The following RSPO4 variants were observed in gnomAD, a reference collection of about 807,000 sequenced individuals.
RSPO4 encodes the protein R-spondin-4.
Under a neutral mutation model 24.8 loss-of-function variants are expected in RSPO4, and 23 were observed. The observed-to-expected ratio is 0.93, with a 90% CI of 0.67 to 1.31. The LOEUF is 1.31. Ranked by LOEUF, RSPO4 falls within the 40% of genes most tolerant of loss-of-function variation. The probability of loss-of-function intolerance (pLI) is 0.00; values close to 1 mark genes in which losing one functional copy is unlikely to be tolerated. For synonymous variants in RSPO4, 141 were observed against 127.4 expected, an observed-to-expected ratio of 1.11 and a Z score of -0.72; for missense variants, 333 against 316.5, an observed-to-expected ratio of 1.05 and a Z score of -0.39.
intron 1 of RSPO4, among the ~76,000 whole-genome samples, chr20:999,133 G>A (rs1281028565): frequency 1.3e-5 from 2 of 152,060 alleles, no homozygotes; most frequent in African/African-American, 4.8e-5. Context: ...GGGACTACAG[G>A]TGTGCACCAC....
chr20:991,493 G>A (rs1985101208), intron 1 of RSPO4, among the ~76,000 whole-genome samples: 1 of 151,560 alleles, frequency 6.6e-6, no homozygotes. Flanking sequence ...CCTACAAATT[G>A]ACAAGAAAAA....
At chr20:996,888 C>T (rs1462217741) in intron 1 of RSPO4, among the ~76,000 whole-genome samples, 3 of 152,228 alleles carry the variant, frequency 2.0e-5, no homozygotes, top group Admixed American at 6.5e-5. Context: ...AGGTCCTCAC[C>T]TTACTGCCAC....
At chr20:982,228 C>A (rs1033066004) in intron 1 of RSPO4, among the ~76,000 whole-genome samples, 4 of 152,194 alleles carry the variant, frequency 2.6e-5, no homozygotes, top group Non-Finnish European at 5.9e-5. Flanking sequence ...TAGCCAGGAA[C>A]ACAGAACTGT....
intron 1 of RSPO4, among the ~76,000 whole-genome samples, chr20:982,770 C>G (rs574451747): frequency 6.6e-6 from 1 of 152,210 alleles, no homozygotes; most frequent in Non-Finnish European, 1.5e-5. Context: ...CCCAGCAATA[C>G]TGGGGACAAT....
In RSPO4 at chr20:968,072, G is replaced by A. The variant is rs1011455898; in HGVS notation, c.146C>T (p.Thr49Ile). The change falls in exon 2 of 5, where the codon ACC becomes ATC. Residue 49 changes from threonine to isoleucine, a missense_variant. Physicochemically the swap from Thr to Ile is moderately conservative, Grantham distance 89. Transcript: ENST00000217260. ...IICSEENGCS[T>I]CQQRLFLFIR... ...GAACAGGAAGAGCCTCTGCTGGCAG[G>A]TGGAACAGCCGTTCTCCTCTGAGCA... is the stretch of plus-strand genomic sequence containing the variant. 13 of 1,614,122 alleles carry A rather than the reference G, an allele frequency of 8.1e-6. No homozygotes were observed. Among genetic ancestry groups the A allele is most frequent in the South Asian group, 7.7e-5 (7 of 91,094 alleles).
At chr20:998,847 A>G (rs1387974773) in intron 1 of RSPO4, among the ~76,000 whole-genome samples, 1 of 152,130 alleles carries the variant, frequency 6.6e-6, no homozygotes, top group Admixed American at 6.6e-5. Context: ...TTCAGGACAC[A>G]TTCTCCTGCC....
chr20:972,576 C>A (rs188574051), intron 1 of RSPO4, among the ~76,000 whole-genome samples: 1 of 152,180 alleles, frequency 6.6e-6, no homozygotes. Flanking sequence ...CATGGCAGAT[C>A]CAGGAGGCAG....
At chr20:971,130 C>A (rs1359729658) in intron 1 of RSPO4, among the ~76,000 whole-genome samples, 1 of 152,244 alleles carries the variant, frequency 6.6e-6, no homozygotes, top group South Asian at 2.1e-4. Flanking sequence ...GCATGAGCCA[C>A]CACGACTGGC....
At chr20:978,283 G>A (rs895353035) in intron 1 of RSPO4, among the ~76,000 whole-genome samples, 1 of 152,182 alleles carries the variant, frequency 6.6e-6, no homozygotes, top group Non-Finnish European at 1.5e-5. Flanking sequence ...TGTAAAATGG[G>A]GACGATAGTA....
Position 970,453 on chromosome 20 carries a change from T to C in RSPO4, c.80-2315A>G, listed in dbSNP as rs1033152882. Among the ~76,000 whole-genome samples the C allele has an allele frequency of 6.6e-6, 1 of 152,054 alleles. No individual in the cohort carries two copies. The highest frequency in any genetic ancestry group is 2.4e-5 in the African/African-American group (1 of 41,382). On this transcript the variant is annotated intron_variant, in intron 1 of 4. Coordinates refer to ENST00000217260, the MANE Select transcript of RSPO4 (RefSeq NM_001029871.4). The surrounding 1 kb of genome is among the most constrained non-coding windows in gnomAD (Gnocchi z 4.1). Reference sequence around the variant, plus strand: ...GTACGGAAGCACACAGTAACTAAAGTGTACCCTGGGATGCTGTTCCCAAGC... The same window carrying C: ...GTACGGAAGCACACAGTAACTAAAGCGTACCCTGGGATGCTGTTCCCAAGC...
chr20:1,001,044 G>C (rs561048099), intron 1 of RSPO4, among the ~76,000 whole-genome samples: 11 of 152,198 alleles, frequency 7.2e-5, no homozygotes, highest in Admixed American at 5.2e-4. Flanking sequence ...GCCAGGGCTG[G>C]AAAGAGAGAA....
intron 1 of RSPO4, among the ~76,000 whole-genome samples, chr20:978,059 A>G (rs531945218): frequency 1.1e-4 from 17 of 152,200 alleles, no homozygotes; most frequent in African/African-American, 4.1e-4. Context: ...GGCCCTGGAG[A>G]TGACTCCCAG....
intron 1 of RSPO4, among the ~76,000 whole-genome samples, chr20:992,536 C>T (rs1164955080): frequency 6.6e-6 from 1 of 152,140 alleles, no homozygotes; most frequent in Non-Finnish European, 1.5e-5. Flanking sequence ...CCAACCTCTC[C>T]CCCCATGACG....
chr20:974,167 T>C (rs1984492915), intron 1 of RSPO4, among the ~76,000 whole-genome samples: 1 of 152,240 alleles, frequency 6.6e-6, no homozygotes, highest in Non-Finnish European at 1.5e-5. Context: ...GAGAGGCTTG[T>C]AAAGCGTCTG....
intron 1 of RSPO4, among the ~76,000 whole-genome samples, chr20:973,165 T>A (rs1984459883): frequency 6.6e-6 from 1 of 152,146 alleles, no homozygotes; most frequent in South Asian, 2.1e-4. Context: ...CCTGGGGCCA[T>A]GGGGGTGAGC....
At chr20:976,758 G>A (rs1984578039) in intron 1 of RSPO4, among the ~76,000 whole-genome samples, 1 of 152,038 alleles carries the variant, frequency 6.6e-6, no homozygotes, top group African/African-American at 2.4e-5. Flanking sequence ...ATCTGTCATT[G>A]AAATTTCCTT....
At chr20:965,892 T>C (rs1984179650) in intron 3 of RSPO4, among the ~76,000 whole-genome samples, 1 of 152,210 alleles carries the variant, frequency 6.6e-6, no homozygotes, top group Admixed American at 6.5e-5. Context: ...TGCCTGGCCA[T>C]AGCAGATGCT....
chr20:985,127 CCACT>C (rs1984872555), intron 1 of RSPO4, among the ~76,000 whole-genome samples: 1 of 143,052 alleles, frequency 7.0e-6, no homozygotes, highest in African/African-American at 2.6e-5. Flanking sequence ...ATCCACCCAC[CCACT>C]CATCTATCCA....
intron 4 of RSPO4, among the ~76,000 whole-genome samples, chr20:963,117 G>A (rs755123271): frequency 2.6e-5 from 4 of 152,186 alleles, no homozygotes; most frequent in Non-Finnish European, 5.9e-5. Flanking sequence ...ACGTGTAGTG[G>A]TCTTGAATGG....
Sources: gnomAD v4.1 joint callset for allele counts (sites outside exome capture counted in the v4.1 genomes callset) on GRCh38, gnomAD v4.1.1 for gene constraint, Gnocchi (gnomAD v3.1) non-coding constraint, MANE v1.5 for transcripts, NCBI Gene and HGNC (gene_info 2026-07-23, HGNC 2026-07-21) for gene names.